The following MARCHF1 variants were observed in gnomAD, a reference collection of about 807,000 sequenced individuals.
The protein encoded by MARCHF1 is membrane associated ring-CH-type finger 1.
A neutral mutation model predicts 54.2 loss-of-function variants in MARCHF1; 40 were observed. The observed-to-expected ratio is 0.74, with a 90% CI of 0.57 to 0.96. The LOEUF is 0.96. Among genes scored for constraint, MARCHF1 ranks in the 40% least tolerant of loss-of-function variants. The pLI is 0.00. For missense variants in MARCHF1, 586 were observed against 656.5 expected, an observed-to-expected ratio of 0.89 and a Z score of 1.17; for synonymous variants, 236 against 236.3, an observed-to-expected ratio of 1.00 and a Z score of 0.01.
intron 1 of MARCHF1, among the ~76,000 whole-genome samples, chr4:164,201,455 C>T (rs1186516310): frequency 2.0e-5 from 3 of 152,084 alleles, no homozygotes; most frequent in Non-Finnish European, 4.4e-5. Flanking sequence ...CTCTTGACCT[C>T]GTGACCCGCC....
chr4:164,335,833 CA>C (rs1176795811), intron 1 of MARCHF1, among the ~76,000 whole-genome samples: 4 of 151,762 alleles, frequency 2.6e-5, no homozygotes, highest in African/African-American at 4.8e-5. Context: ...CCTGGGATGC[CA>C]AAAAACTTGT....
At chr4:164,122,000 C>CAAGTGGG (rs2110777882) in intron 1 of MARCHF1, among the ~76,000 whole-genome samples, 1 of 152,138 alleles carries the variant, frequency 6.6e-6, no homozygotes, top group Admixed American at 6.5e-5. Flanking sequence ...TCATCATGAC[C>CAAGTGGG]AAGTGGGATT....
At chr4:164,227,759 G>C (rs1004898917) in intron 1 of MARCHF1, among the ~76,000 whole-genome samples, 1 of 151,994 alleles carries the variant, frequency 6.6e-6, no homozygotes, top group Non-Finnish European at 1.5e-5. Context: ...ACTATTTTAG[G>C]ACTCCCTTTG....
chr4:163,759,339 A>T (rs989257376), intron 4 of MARCHF1, among the ~76,000 whole-genome samples: 1 of 152,204 alleles, frequency 6.6e-6, no homozygotes, highest in South Asian at 2.1e-4. Flanking sequence ...CAAAAGGTAC[A>T]TGATAATGTG....
intron 1 of MARCHF1, among the ~76,000 whole-genome samples, chr4:164,119,404 AAAT>A: frequency 6.6e-6 from 1 of 151,532 alleles, no homozygotes; most frequent in Non-Finnish European, 1.5e-5. Context: ...AAAGAAATAC[AAAT>A]AATAAATACA....
chr4:163,604,712 C>A (rs1741086446), intron 7 of MARCHF1, among the ~76,000 whole-genome samples: 1 of 152,064 alleles, frequency 6.6e-6, no homozygotes, highest in Non-Finnish European at 1.5e-5. Flanking sequence ...TGATTGGATT[C>A]CCCCACCTCT....
At chr4:163,923,925 A>G (rs1343526337) in intron 3 of MARCHF1, among the ~76,000 whole-genome samples, 3 of 152,070 alleles carry the variant, frequency 2.0e-5, no homozygotes, top group African/African-American at 7.2e-5. Flanking sequence ...TTTATTTTTA[A>G]AAATTATAAT....
intron 4 of MARCHF1, among the ~76,000 whole-genome samples, chr4:163,822,369 G>T (rs1395843325): frequency 2.0e-5 from 3 of 151,810 alleles, no homozygotes; most frequent in Admixed American, 6.6e-5. Context: ...CTATGTATTT[G>T]CCAATTATAT....
chr4:163,727,205 G>A (rs538947361), intron 4 of MARCHF1, among the ~76,000 whole-genome samples: 1 of 151,822 alleles, frequency 6.6e-6, no homozygotes, highest in East Asian at 1.9e-4. Flanking sequence ...TAATTATCCT[G>A]TAAAAAATAA....
At chr4:164,359,932 A>G (rs1730676303) in intron 1 of MARCHF1, among the ~76,000 whole-genome samples, 1 of 152,174 alleles carries the variant, frequency 6.6e-6, no homozygotes, top group Non-Finnish European at 1.5e-5. Flanking sequence ...AAAATCTGAG[A>G]ACCACAGATA....
chr4:163,592,906 C>G (rs1192427983), intron 7 of MARCHF1, among the ~76,000 whole-genome samples: 4 of 151,952 alleles, frequency 2.6e-5, no homozygotes, highest in Non-Finnish European at 4.4e-5. Context: ...TGTGTAGCCC[C>G]TAGGAGTCCC....
At chr4:163,957,060 A>G (rs187856372) in intron 3 of MARCHF1, among the ~76,000 whole-genome samples, 56 of 152,182 alleles carry the variant, frequency 3.7e-4, no homozygotes, top group Admixed American at 3.1e-3. Context: ...TTTAAATGCT[A>G]AATAATTATA....
chr4:163,553,485 A>G (rs1739182058), intron 8 of MARCHF1, among the ~76,000 whole-genome samples: 1 of 152,234 alleles, frequency 6.6e-6, no homozygotes, highest in African/African-American at 2.4e-5. Flanking sequence ...TCAGGAAAAT[A>G]CAATCTATTT....
At chr4:164,309,769 C>T (rs1560997080) in intron 1 of MARCHF1, among the ~76,000 whole-genome samples, 1 of 152,190 alleles carries the variant, frequency 6.6e-6, no homozygotes, top group Middle Eastern at 3.4e-3. Flanking sequence ...TATCCAAAAA[C>T]ATTAAGGGCA....
chr4:164,013,740 GAA>G (rs112550472), intron 2 of MARCHF1, among the ~76,000 whole-genome samples: 1 of 148,184 alleles, frequency 6.7e-6, no homozygotes, highest in African/African-American at 2.4e-5. Flanking sequence ...AGTGCTGATG[GAA>G]AAAAAAATCT....
At chr4:164,224,076 T>G (rs1175805660) in intron 1 of MARCHF1, among the ~76,000 whole-genome samples, 3 of 151,078 alleles carry the variant, frequency 2.0e-5, no homozygotes, top group Non-Finnish European at 4.4e-5. Context: ...TAGTCCAAGC[T>G]TGTCTAACCA....
At chr4:164,003,079 TA>T (rs1753217582) in intron 2 of MARCHF1, among the ~76,000 whole-genome samples, 1 of 151,858 alleles carries the variant, frequency 6.6e-6, no homozygotes, top group African/African-American at 2.4e-5. Context: ...AATCCCAATG[TA>T]AGGGTCTTAG....
At chr4:163,993,153 C>T (rs1469605840) in intron 2 of MARCHF1, among the ~76,000 whole-genome samples, 1 of 151,998 alleles carries the variant, frequency 6.6e-6, no homozygotes, top group African/African-American at 2.4e-5. Flanking sequence ...AGTTAGGGAA[C>T]AACCCATGCT....
chr4:163,812,366 T>C lies in MARCHF1; in HGVS notation c.111+41655A>G, dbSNP rs1748415499. On this transcript the variant is annotated intron_variant, in intron 4 of 9. Coordinates refer to ENST00000514618, the MANE Select transcript of MARCHF1 (RefSeq NM_001394959.1). ...ATATACACGTATATATACATATTGA[T>C]TCTATTTCTCTGGAGAAACCCTGAC... 2.0e-5 allele frequency among the ~76,000 whole-genome samples: 3 copies of C among 152,030 alleles called. No individual in the cohort carries two copies. In the South Asian group the frequency reaches 6.2e-4, roughly 31 times the overall value.
Sources: gnomAD v4.1 joint callset for allele counts (sites outside exome capture counted in the v4.1 genomes callset) on GRCh38, gnomAD v4.1.1 for gene constraint, MANE v1.5 for transcripts, NCBI Gene and HGNC (gene_info 2026-07-23, HGNC 2026-07-21) for gene names.